TMED10: variants seen among roughly 807,000 people sequenced by gnomAD.
TMED10 encodes transmembrane emp24 domain-containing protein 10.
Under a neutral mutation model 23.1 loss-of-function variants are expected in TMED10, and 7 were observed. The ratio of observed to expected loss-of-function variants is 0.30; its 90% CI spans 0.17 to 0.57. The LOEUF is 0.57. Among genes scored for constraint, TMED10 ranks in the 20% least tolerant of loss-of-function variants. The pLI is 0.91. For synonymous variants in TMED10, 113 were observed against 106.9 expected (o/e 1.06, Z -0.35); for missense variants, 162 against 274.8 (o/e 0.59, Z 2.90).
intron 1 of TMED10, among the ~76,000 whole-genome samples, chr14:75,159,063 T>C (rs117609881): frequency 8.3e-4 from 126 of 152,264 alleles, no homozygotes; most frequent in African/African-American, 2.6e-3. Context: ...TCAGAATCAG[T>C]TGACCCACAA....
chr14:75,142,434 G>A (rs1169242013), intron 3 of TMED10, among the ~76,000 whole-genome samples: 2 of 152,034 alleles, frequency 1.3e-5, no homozygotes, highest in Admixed American at 6.6e-5. Context: ...TGTAAAATTC[G>A]AGAACAGAAT....
Position 75,138,824 on chromosome 14 carries a change from T to TA in TMED10, c.412-2939_412-2938insT, listed in dbSNP as rs1555355599. Among the ~76,000 whole-genome samples, 98 of 113,968 alleles carry TA rather than the reference T, an allele frequency of 8.6e-4. 1 individual carries two copies. In the East Asian group the frequency reaches 0.01, roughly 12 times the overall value. The allele number at this position is 113,968 out of a possible 152,430, so 74.8% of individuals were successfully genotyped here. ...ACAGCCTTTGCTTCTTTTTTTTTTTTTTTTTTTTATTTTTGTTGTTGTTGT... is the reference window on the plus strand; with the variant it reads ...ACAGCCTTTGCTTCTTTTTTTTTTTTATTTTTTTTATTTTTGTTGTTGTTGT... On this transcript the variant is annotated intron_variant, in intron 3 of 4. Coordinates refer to ENST00000303575, the MANE Select transcript of TMED10 (RefSeq NM_006827.6).
At chr14:75,176,297 C>G in intron 1 of TMED10, 58 bp downstream of exon 1, 1 of 1,599,232 alleles carries the variant, frequency 6.3e-7, no homozygotes. Context: ...GAACCCGAGC[C>G]TCCCCTCGCC....
At chr14:75,172,404 T>C (rs1896245475) in intron 1 of TMED10, among the ~76,000 whole-genome samples, 1 of 151,814 alleles carries the variant, frequency 6.6e-6, no homozygotes, top group African/African-American at 2.4e-5. Context: ...GCCTCCCAGG[T>C]TCAAGAGATT....
rs1039138269 is a variant in TMED10, at chr14:75,133,803, A to C, written c.*1082T>G. ...AAACTGTGGTACATCCATACCATGGAATACTACTCAGCAATCAAAAGGAAC... is the reference window on the plus strand; with the variant it reads ...AAACTGTGGTACATCCATACCATGGCATACTACTCAGCAATCAAAAGGAAC... On this transcript the variant is annotated 3_prime_UTR_variant, in exon 5 of 5. Coordinates refer to ENST00000303575, the MANE Select transcript of TMED10 (RefSeq NM_006827.6). 6 of 269,014 alleles carry C rather than the reference A, an allele frequency of 2.2e-5. No homozygotes were observed. Among genetic ancestry groups the C allele is most frequent in the African/African-American group, 1.4e-4 (6 of 42,428 alleles). The allele number at this position is 269,014 out of a possible 1,614,324, so 16.7% of individuals were successfully genotyped here.
rs911400821 is a variant in TMED10 at position 75,131,483 on chromosome 14, CTTTA to C, written c.*3398_*3401del. On this transcript the variant is annotated 3_prime_UTR_variant, in exon 5 of 5. Coordinates refer to ENST00000303575, the MANE Select transcript of TMED10 (RefSeq NM_006827.6). ...TACACCTAAAATGGTTTCTGCTAGC[CTTTA>C]TTTGAGAAAATTTACACAAAAATCC... 11 of 152,550 alleles carry C rather than the reference CTTTA, an allele frequency of 7.2e-5. No homozygotes were observed. The South Asian group carries it at 8.3e-4, about 12-fold the overall frequency. The allele number at this position is 152,550 out of a possible 1,614,324, so 9.4% of individuals were successfully genotyped here. A position where few individuals can be genotyped will look rare whatever the true frequency, so the allele number is the denominator to read the frequency against.
chr14:75,161,205 T>C (rs1425000967), intron 1 of TMED10, among the ~76,000 whole-genome samples: 4 of 152,212 alleles, frequency 2.6e-5, no homozygotes, highest in Non-Finnish European at 5.9e-5. Context: ...TGCTAGGCAG[T>C]GGCTGGAAAC....
chr14:75,168,804 G>A (rs1896195012), intron 1 of TMED10, among the ~76,000 whole-genome samples: 1 of 152,140 alleles, frequency 6.6e-6, no homozygotes, highest in African/African-American at 2.4e-5. Flanking sequence ...AAGACACAAA[G>A]ATGAGTAAGA....
intron 1 of TMED10, among the ~76,000 whole-genome samples, chr14:75,171,483 T>C (rs1896232712): frequency 6.6e-6 from 1 of 152,150 alleles, no homozygotes; most frequent in Non-Finnish European, 1.5e-5. Context: ...TTTCACCATG[T>C]TGGCCAGGCT....
intron 3 of TMED10, among the ~76,000 whole-genome samples, chr14:75,141,117 G>A (rs1419730499): frequency 6.6e-6 from 1 of 152,108 alleles, no homozygotes; most frequent in Non-Finnish European, 1.5e-5. Flanking sequence ...ATGGCTTTAT[G>A]TAGTAACTTC....
chr14:75,157,131 C>T (rs1896029666), intron 1 of TMED10, among the ~76,000 whole-genome samples: 1 of 152,102 alleles, frequency 6.6e-6, no homozygotes, highest in African/African-American at 2.4e-5. Flanking sequence ...AGCGGTACAA[C>T]CTAGCAGCCA....
intron 1 of TMED10, among the ~76,000 whole-genome samples, chr14:75,170,810 T>A (rs1896224586): frequency 6.6e-6 from 1 of 152,162 alleles, no homozygotes; most frequent in African/African-American, 2.4e-5. Flanking sequence ...TAAGAATAAT[T>A]TCAGCTAATA....
At chr14:75,157,774 T>C (rs577141193) in intron 1 of TMED10, among the ~76,000 whole-genome samples, 30 of 151,998 alleles carry the variant, frequency 2.0e-4, no homozygotes, top group Non-Finnish European at 3.2e-4. Context: ...ACCCCGTCTC[T>C]ACTAAAAATA....
At chr14:75,152,650 G>A (rs1895969250) in intron 1 of TMED10, among the ~76,000 whole-genome samples, 2 of 152,192 alleles carry the variant, frequency 1.3e-5, no homozygotes, top group South Asian at 2.1e-4. Flanking sequence ...AGCATACATA[G>A]AGAAGACAAT....
At chr14:75,176,122 C>T (rs1467569723) in intron 1 of TMED10, 2 of 585,572 alleles carry the variant, frequency 3.4e-6, no homozygotes, top group Non-Finnish European at 6.1e-6. Flanking sequence ...GGTGTCACCA[C>T]ATCCGCCAAA....
At chr14:75,173,375 G>A (rs895580057) in intron 1 of TMED10, among the ~76,000 whole-genome samples, 1 of 151,052 alleles carries the variant, frequency 6.6e-6, no homozygotes, top group South Asian at 2.1e-4. Flanking sequence ...GAGAGAGGGA[G>A]GAAGAAAGGA....
chr14:75,170,460 G>C (rs552429382), intron 1 of TMED10, among the ~76,000 whole-genome samples: 47 of 152,178 alleles, frequency 3.1e-4, no homozygotes, highest in African/African-American at 1.1e-3. Context: ...GATAAGCCTA[G>C]AACACTTTGT....
intron 1 of TMED10, among the ~76,000 whole-genome samples, chr14:75,153,054 G>A (rs1296876666): frequency 2.0e-5 from 3 of 152,108 alleles, no homozygotes; most frequent in Non-Finnish European, 2.9e-5. Context: ...CCTGGGAGGC[G>A]GAGGTTGCAG....
At chr14:75,172,082 C>G (rs1594876803) in intron 1 of TMED10, among the ~76,000 whole-genome samples, 1 of 152,174 alleles carries the variant, frequency 6.6e-6, no homozygotes, top group East Asian at 1.9e-4. Flanking sequence ...AGTGGAAGAA[C>G]TGGTTAAAAG....
Sources: gnomAD v4.1 joint callset for allele counts (sites outside exome capture counted in the v4.1 genomes callset) on GRCh38, gnomAD v4.1.1 for gene constraint, MANE v1.5 for transcripts, NCBI Gene and HGNC (gene_info 2026-07-23, HGNC 2026-07-21) for gene names.